The following MCFD2 variants were observed in gnomAD, a reference collection of about 807,000 sequenced individuals.
MCFD2 encodes the protein multiple coagulation factor deficiency protein 2.
In MCFD2, 11 loss-of-function variants were observed where a neutral mutation model predicts 12.8. The ratio of observed to expected loss-of-function variants is 0.86; its 90% confidence interval spans 0.54 to 1.42. MCFD2 has a LOEUF of 1.42. Ranked by LOEUF, MCFD2 falls within the 40% of genes most tolerant of loss-of-function variation. MCFD2 has a pLI of 0.00. For synonymous variants in MCFD2, 70 were observed against 68.1 expected (o/e 1.03, Z -0.14); for missense variants, 191 against 178.6 (o/e 1.07, Z -0.40).
intron 1 of MCFD2, among the ~76,000 whole-genome samples, chr2:46,927,863 T>TAATATTGG (rs1395335110): frequency 1.4e-5 from 2 of 146,174 alleles, no homozygotes; most frequent in Non-Finnish European, 3.0e-5. Flanking sequence ...GCAGAAACAC[T>TAATATTGG]AATATTGGGG....
chr2:46,902,204 T>C lies in MCFD2; in HGVS notation c.*3259A>G, dbSNP rs1211355546. ...TTTCAAATACTATAAAGATTCACAC[T>C]GTTAAAGGGTTTTTTGGGTTCCTTT... On this transcript the variant is annotated 3_prime_UTR_variant, in exon 4 of 4. Coordinates refer to ENST00000319466, the MANE Select transcript of MCFD2 (RefSeq NM_139279.6). 2 of 152,678 alleles carry C rather than the reference T, an allele frequency of 1.3e-5. No individual in the cohort carries two copies. Among genetic ancestry groups the C allele is most frequent in the Non-Finnish European group, 2.9e-5 (2 of 68,050 alleles). 9.5% of individuals were successfully genotyped at this position (152,678 alleles called of 1,614,324 possible). A position where few individuals can be genotyped will look rare whatever the true frequency, so the allele number is the denominator to read the frequency against.
intron 1 of MCFD2, chr2:46,912,525 C>G (rs1254734239): frequency 1.3e-5 from 2 of 152,232 alleles, no homozygotes; most frequent in African/African-American, 4.8e-5. Flanking sequence ...TCCTCCCAAG[C>G]CTTTCAGACT....
At position 46,928,126 on chromosome 2, in the gene MCFD2, A is replaced by G. The variant is rs371604681; in HGVS notation, c.-8+13446T>C. 6.6e-5 allele frequency among the ~76,000 whole-genome samples: 10 copies of G among 151,640 alleles called. No homozygotes were observed. In the East Asian group the frequency reaches 9.7e-4, roughly 15 times the overall value. ...AGGCTGGTCTCTAACTCCTCGGCTC[A>G]GGTGATCTGCCCACCTTAACCTCCC... is the stretch of plus-strand genomic sequence containing the variant. On this transcript the variant is annotated intron_variant, in intron 1 of 2. Transcript: ENST00000409147.
chr2:46,925,639 G>A (rs1349974314), intron 1 of MCFD2, among the ~76,000 whole-genome samples: 1 of 152,088 alleles, frequency 6.6e-6, no homozygotes, highest in Admixed American at 6.6e-5. Context: ...GATGTGAAAA[G>A]GCAATTCACA....
chr2:46,936,358 G>T (rs1669979651), intron 1 of MCFD2, among the ~76,000 whole-genome samples: 1 of 143,772 alleles, frequency 7.0e-6, no homozygotes, highest in East Asian at 2.1e-4. Flanking sequence ...GCTGGCCCAG[G>T]GACAAATTTT....
At chr2:46,921,857 C>T (rs776267758) in intron 1 of MCFD2, among the ~76,000 whole-genome samples, 2 of 151,896 alleles carry the variant, frequency 1.3e-5, no homozygotes, top group South Asian at 2.1e-4. Flanking sequence ...AATCTCATGC[C>T]GCCACCGCTG....
chr2:46,905,623 G>A (rs768263654), intron 3 of MCFD2, 29 bp from the exon 4 acceptor site: 29 of 1,528,674 alleles, frequency 1.9e-5, no homozygotes, highest in Non-Finnish European at 2.6e-5. Flanking sequence ...ACAATGATGA[G>A]TTGCGCATTT....
chr2:46,913,392 A>AAG (rs371469358), intron 1 of MCFD2, among the ~76,000 whole-genome samples: 4,558 of 151,424 alleles, frequency 0.03, 237 homozygotes, highest in African/African-American at 0.1. Context: ...TAATTAGAAA[A>AAG]AGAGAGAGAG....
At chr2:46,935,314 A>G (rs1669924236) in intron 1 of MCFD2, among the ~76,000 whole-genome samples, 1 of 152,146 alleles carries the variant, frequency 6.6e-6, no homozygotes, top group South Asian at 2.1e-4. Context: ...GCAGTGAACT[A>G]TGATACTGTT....
upstream of MCFD2, among the ~76,000 whole-genome samples, chr2:46,920,720 T>C (rs2103801115): frequency 6.6e-6 from 1 of 152,232 alleles, no homozygotes; most frequent in South Asian, 2.1e-4. Flanking sequence ...CTTGAAATTT[T>C]TCCTGAACTT....
Position 46,932,715 on chromosome 2 carries a change from A to G in MCFD2, c.-8+8857T>C, listed in dbSNP as rs114794929. On this transcript the variant is annotated intron_variant, in intron 1 of 2. Coordinates refer to the MCFD2 transcript ENST00000409147. ...TAGGAGTTCGAGACCAGTTTGGCCA[A>G]CAAGGTGAAACCCCATCTCTGCTAA... is the stretch of plus-strand genomic sequence containing the variant. Among the ~76,000 whole-genome samples the G allele has an allele frequency of 4.9e-3, 747 of 151,988 alleles. 6 individuals are homozygous for G. The highest frequency in any genetic ancestry group is 0.017 in the African/African-American group (715 of 41,454).
At chr2:46,938,755 T>C (rs1670102349) in intron 1 of MCFD2, among the ~76,000 whole-genome samples, 1 of 152,156 alleles carries the variant, frequency 6.6e-6, no homozygotes, top group Non-Finnish European at 1.5e-5. Context: ...GGCTCATGCC[T>C]GTAATCCCAG....
chr2:46,905,824 T>C (rs1327415952), intron 3 of MCFD2: 1 of 618,756 alleles, frequency 1.6e-6, no homozygotes, highest in Admixed American at 2.2e-5. Context: ...ATATGTATTA[T>C]TGAGTCAATT....
rs914359888 is a variant in MCFD2 at position 46,937,858 on chromosome 2, C to A, written c.-8+3714G>T. On this transcript the variant is annotated intron_variant, in intron 1 of 2. Coordinates refer to the MCFD2 transcript ENST00000409147. This position sits in a 1 kb window ranked among gnomAD's most constrained non-coding sequence, Gnocchi z 4.0. Reference sequence around the variant, plus strand: ...GTCTTCCCTGTGAAAGCAAAATGTGCTGTAATTAGTTCTTTGTCAAGAGAG... The same window carrying A: ...GTCTTCCCTGTGAAAGCAAAATGTGATGTAATTAGTTCTTTGTCAAGAGAG... 1.3e-5 allele frequency among the ~76,000 whole-genome samples: 2 copies of A among 152,186 alleles called. No individual in the cohort carries two copies. Among genetic ancestry groups the A allele is most frequent in the South Asian group, 2.1e-4 (1 of 4,836 alleles).
intron 3 of MCFD2, 111 bp from the exon 4 acceptor site, chr2:46,905,705 A>AAAG: frequency 8.7e-7 from 1 of 1,150,782 alleles, no homozygotes; most frequent in Non-Finnish European, 1.3e-6. Flanking sequence ...TAAAAAAAAA[A>AAAG]AAAAAAAAAA....
chr2:46,920,907 G>A (rs562988332), intron 1 of MCFD2, among the ~76,000 whole-genome samples: 145 of 151,134 alleles, frequency 9.6e-4, no homozygotes, highest in African/African-American at 3.3e-3. Context: ...ATAAATATAT[G>A]ATCATAAGAA....
At chr2:46,918,968 A>G (rs542429843), upstream of MCFD2, among the ~76,000 whole-genome samples, 81 of 152,324 alleles carry the variant, frequency 5.3e-4, no homozygotes, top group African/African-American at 1.9e-3. Context: ...TCAGGTTGAA[A>G]CTAGTACAAG....
chr2:46,921,439 A>C (rs1484422010), intron 1 of MCFD2, among the ~76,000 whole-genome samples: 1 of 152,192 alleles, frequency 6.6e-6, no homozygotes, highest in Non-Finnish European at 1.5e-5. Context: ...GGGCAAGTCT[A>C]ATTCAGTTAT....
At chr2:46,924,315 A>G (rs1669276407) in intron 1 of MCFD2, among the ~76,000 whole-genome samples, 1 of 151,898 alleles carries the variant, frequency 6.6e-6, no homozygotes, top group African/African-American at 2.4e-5. Flanking sequence ...CAGCTCATCA[A>G]CATTCTTCCC....
Sources: gnomAD v4.1 joint callset for allele counts (sites outside exome capture counted in the v4.1 genomes callset) on GRCh38, gnomAD v4.1.1 for gene constraint, Gnocchi (gnomAD v3.1) non-coding constraint, MANE v1.5 for transcripts, NCBI Gene and HGNC (gene_info 2026-07-23, HGNC 2026-07-21) for gene names.